The following HEG1 variants were observed in gnomAD, a reference collection of about 807,000 sequenced individuals.
HEG1 encodes the protein protein HEG homolog 1.
A neutral mutation model predicts 125.6 loss-of-function variants in HEG1; 56 were observed. The observed-to-expected ratio is 0.45, with a 90% confidence interval of 0.36 to 0.56. HEG1 has a LOEUF of 0.56. Ranked by LOEUF, HEG1 falls within the 20% of genes least tolerant of loss-of-function variation. The pLI, the probability that HEG1 is intolerant of heterozygous loss-of-function variation, is 0.00. For missense variants in HEG1, 1,523 were observed against 1,670.0 expected (o/e 0.91, Z 1.53); for synonymous variants, 644 against 668.5 (o/e 0.96, Z 0.57).
chr3:125,028,843 T>C (rs773365145), intron 2 of HEG1, among the ~76,000 whole-genome samples: 12 of 152,110 alleles, frequency 7.9e-5, no homozygotes, highest in Admixed American at 1.3e-4. Context: ...AGAACAACCG[T>C]TTGGGCCACA....
chr3:125,051,205 T>C (rs1176116994), intron 1 of HEG1, among the ~76,000 whole-genome samples: 1 of 152,220 alleles, frequency 6.6e-6, no homozygotes, highest in Non-Finnish European at 1.5e-5. Flanking sequence ...TCTCAGGTAA[T>C]TTCAAACAAA....
intron 14 of HEG1, among the ~76,000 whole-genome samples, chr3:124,988,671 C>A (rs1251723743): frequency 2.0e-5 from 3 of 152,172 alleles, no homozygotes; most frequent in Non-Finnish European, 2.9e-5. Context: ...GGAATCCCAG[C>A]ACTTTGGGAG....
intron 15 of HEG1, among the ~76,000 whole-genome samples, chr3:124,975,079 G>A (rs564515573): frequency 1.3e-5 from 2 of 152,286 alleles, no homozygotes; most frequent in East Asian, 1.9e-4. Context: ...ATCCCCTGAA[G>A]TTTATTTCCA....
intron 1 of HEG1, among the ~76,000 whole-genome samples, chr3:125,042,919 G>C (rs530672681): frequency 6.6e-6 from 1 of 152,206 alleles, no homozygotes; most frequent in Non-Finnish European, 1.5e-5. Context: ...ATGCTGCTGC[G>C]GATGTAATGA....
At chr3:125,034,616 AGTGAGACCTT>A (rs1937535292) in intron 1 of HEG1, among the ~76,000 whole-genome samples, 6 of 152,122 alleles carry the variant, frequency 3.9e-5, no homozygotes, top group Admixed American at 3.9e-4. Context: ...TGGGCAACAT[AGTGAGACCTT>A]GTCTCTACAA....
intron 12 of HEG1, among the ~76,000 whole-genome samples, chr3:124,993,223 C>T (rs961272112): frequency 6.6e-6 from 1 of 152,232 alleles, no homozygotes; most frequent in Non-Finnish European, 1.5e-5. Flanking sequence ...TCTGCATATT[C>T]ACTTTCCTTC....
At position 124,991,040 on chromosome 3, in the gene HEG1, C is replaced by T. The variant is rs1297283072; in HGVS notation, c.3653-54G>A. The stretch of plus-strand genomic sequence containing the variant: ...GTGTCTATTTACCTCTCCCAAACTC[C>T]CAGTTAATTAAACGCCAGCCACCCT... On this transcript the variant is annotated intron_variant, in intron 12 of 16. Coordinates refer to ENST00000311127, the MANE Select transcript of HEG1 (RefSeq NM_020733.2). 5.0e-6 allele frequency: 7 copies of T among 1,405,810 alleles called. No homozygotes were observed. The East Asian group carries it at 7.4e-5, about 15-fold the overall frequency. 87.1% of individuals were successfully genotyped at this position (1,405,810 alleles called of 1,614,324 possible). A position where few individuals can be genotyped will look rare whatever the true frequency, so the allele number is the denominator to read the frequency against.
chr3:124,997,839 A>G lies in HEG1; in HGVS notation c.3518-16T>C. ...AAGCTGCCCGCTGGAATGGAAAAAC[A>G]AGACAGTGAAACAAAACAAAACCTT... On this transcript the variant is annotated splice_polypyrimidine_tract_variant and intron_variant, in intron 11 of 16. Coordinates refer to ENST00000311127, the MANE Select transcript of HEG1 (RefSeq NM_020733.2). 1 of 1,562,240 alleles carries G rather than the reference A, an allele frequency of 6.4e-7. No individual in the cohort carries two copies. Among genetic ancestry groups the G allele is most frequent in the Non-Finnish European group, 8.7e-7 (1 of 1,149,750 alleles).
In HEG1 at chr3:125,005,317, G is replaced by A; in HGVS notation, c.3245C>T (p.Thr1082Ile). The A allele has an allele frequency of 6.3e-7, 1 of 1,597,728 alleles. No individual in the cohort carries two copies. The highest frequency in any genetic ancestry group is 8.5e-7 in the Non-Finnish European group (1 of 1,173,174). The change falls in exon 9 of 17, where the codon ACT becomes ATT. Residue 1082 changes from threonine (T) to isoleucine (I), a missense_variant. Physicochemically the swap from Thr to Ile is moderately conservative, Grantham distance 89. Transcript: ENST00000311127. Reference sequence around the variant, plus strand: ...TTGTAGGTCTGAATGTTTTTCCACAGTTGTATTAAGAAAAGTTCTCTTTAA... The same window carrying A: ...TTGTAGGTCTGAATGTTTTTCCACAATTGTATTAAGAAAAGTTCTCTTTAA... The part of the protein sequence containing the change: ...FKLKRTFLNT[T>I]VEKHSDLQEV...
At position 124,996,282 on chromosome 3, in the gene HEG1, CTG is replaced by C. The variant is rs375434485; in HGVS notation, c.3652+1405_3652+1406del. ...TATTTTTAGTAGAGACGGGGTTTCT[CTG>C]TGTTGGTCAGGCTGGTCTCCAACTC... On this transcript the variant is annotated intron_variant, in intron 12 of 16. Transcript: ENST00000311127. Among the ~76,000 whole-genome samples, 618 of 152,164 alleles carry C rather than the reference CTG, an allele frequency of 4.1e-3. 3 individuals carry two copies. Among genetic ancestry groups the C allele is most frequent in the African/African-American group, 0.014 (588 of 41,516 alleles).
intron 16 of HEG1, among the ~76,000 whole-genome samples, chr3:124,971,500 C>A (rs1290806330): frequency 7.9e-6 from 1 of 126,196 alleles, no homozygotes; most frequent in Admixed American, 8.1e-5. Flanking sequence ...TTTTCTTTTT[C>A]TTTCTTTTTT....
Position 125,043,420 on chromosome 3 carries a change from GT to G in HEG1, c.316+12154del, listed in dbSNP as rs60228985. On this transcript the variant is annotated intron_variant, in intron 1 of 16. Transcript: ENST00000311127. ...CTTTGCTTTAAAAGGAATTCTATAG[GT>G]TTTTTTTTTTCCAAGGCCTTGAGGA... Among the ~76,000 whole-genome samples, 54 of 149,118 alleles carry G rather than the reference GT, an allele frequency of 3.6e-4. No individual in the cohort carries two copies. The East Asian group carries it at 4.9e-3, about 13-fold the overall frequency.
intron 5 of HEG1, chr3:125,015,094 T>C: frequency 1.0e-6 from 1 of 990,734 alleles, no homozygotes; most frequent in South Asian, 1.7e-5. Context: ...CTTCCTGGGC[T>C]GTGGGAGCCA....
At chr3:125,012,223 AG>A (rs1227660986) in intron 6 of HEG1, among the ~76,000 whole-genome samples, 2 of 152,148 alleles carry the variant, frequency 1.3e-5, no homozygotes, top group Non-Finnish European at 2.9e-5. Flanking sequence ...TGTGTCAGCC[AG>A]GCCTCCTAAG....
intron 1 of HEG1, among the ~76,000 whole-genome samples, chr3:125,035,728 A>G (rs1937542413): frequency 6.6e-6 from 1 of 152,082 alleles, no homozygotes; most frequent in Admixed American, 6.5e-5. Flanking sequence ...AAAAAAATAC[A>G]TGTGTGAATA....
chr3:125,047,993 T>G (rs1034007496), intron 1 of HEG1, among the ~76,000 whole-genome samples: 7 of 152,178 alleles, frequency 4.6e-5, no homozygotes, highest in African/African-American at 1.4e-4. Flanking sequence ...TTTCTTTGCC[T>G]TCAGCACCTT....
Position 125,029,185 on chromosome 3 carries a change from A to C in HEG1, c.610+10T>G. On this transcript the variant is annotated intron_variant, in intron 2 of 16. Transcript: ENST00000311127. ...CATGCGTGAAATGCGCATCATCAGC[A>C]CAAGCTCACCTAAGTTGCCACTCTG... 1 of 1,609,024 alleles carries C rather than the reference A, an allele frequency of 6.2e-7. No homozygotes were observed. Among genetic ancestry groups the C allele is most frequent in the Non-Finnish European group, 8.5e-7 (1 of 1,177,778 alleles).
At chr3:125,009,534 T>C (rs1254107583) in intron 8 of HEG1, 171 bp downstream of exon 8, 2 of 533,358 alleles carry the variant, frequency 3.7e-6, no homozygotes, top group Non-Finnish European at 6.3e-6. Context: ...AAGTAGGGTG[T>C]TCTATCTCCA....
At chr3:125,047,806 G>GC (rs1230153768) in intron 1 of HEG1, among the ~76,000 whole-genome samples, 1 of 152,190 alleles carries the variant, frequency 6.6e-6, no homozygotes, top group African/African-American at 2.4e-5. Flanking sequence ...TCTCTCTCCT[G>GC]CCTCTTGCTA....
Sources: gnomAD v4.1 joint callset for allele counts (sites outside exome capture counted in the v4.1 genomes callset) on GRCh38, gnomAD v4.1.1 for gene constraint, MANE v1.5 for transcripts, NCBI Gene and HGNC (gene_info 2026-07-23, HGNC 2026-07-21) for gene names.